ASTN2: variants seen among roughly 807,000 people sequenced by gnomAD.
The protein encoded by ASTN2 is astrotactin-2.
ASTN2 carries 54 observed loss-of-function variants against 139.8 expected under a neutral mutation model. The observed-to-expected ratio is 0.39, with a 90% CI of 0.31 to 0.48. The LOEUF is 0.48. ASTN2 is among the 20% of genes least tolerant of loss of function. The pLI, the probability that ASTN2 is intolerant of heterozygous loss-of-function variation, is 0.95. For synonymous variants in ASTN2, 756 were observed against 719.5 expected (o/e 1.05, Z -0.81); for missense variants, 1,565 against 1,725.1 (o/e 0.91, Z 1.64).
Position 116,910,319 on chromosome 9 carries a change from A to C in ASTN2, c.1890-46586T>G, listed in dbSNP as rs561205883. Among the ~76,000 whole-genome samples the C allele has an allele frequency of 1.3e-3, 201 of 152,284 alleles. 2 individuals carry two copies. The highest frequency in any genetic ancestry group is 4.7e-3 in the African/African-American group (197 of 41,546). On this transcript the variant is annotated intron_variant, in intron 10 of 22. Transcript: ENST00000313400. The stretch of plus-strand genomic sequence containing the variant: ...GCTAGGATTTCTTAACCTCTGCAAC[A>C]CTGGCATTTCGGGTCGGATAATCCT...
At chr9:116,900,834 C>T (rs1254098341) in intron 10 of ASTN2, among the ~76,000 whole-genome samples, 1 of 152,162 alleles carries the variant, frequency 6.6e-6, no homozygotes, top group African/African-American at 2.4e-5. Flanking sequence ...GGGGACAGCA[C>T]ATTTACTTTG....
chr9:117,100,136 C>G (rs1012681052), intron 4 of ASTN2, among the ~76,000 whole-genome samples: 2 of 152,218 alleles, frequency 1.3e-5, no homozygotes, highest in African/African-American at 4.8e-5. Context: ...TCAGGCTTAG[C>G]AAGATCTTTG....
chr9:116,693,207 A>G (rs1329844038), intron 16 of ASTN2, among the ~76,000 whole-genome samples: 5 of 152,098 alleles, frequency 3.3e-5, no homozygotes, highest in Admixed American at 6.5e-5. Flanking sequence ...CTTTATATGC[A>G]TTTTCCATAG....
At chr9:117,225,672 G>C (rs1832691414) in intron 2 of ASTN2, among the ~76,000 whole-genome samples, 1 of 149,816 alleles carries the variant, frequency 6.7e-6, no homozygotes, top group Non-Finnish European at 1.5e-5. Flanking sequence ...GCAGACCTAA[G>C]TTCCCATTTT....
Position 117,291,351 on chromosome 9 carries a change from A to C in ASTN2, c.605T>G (p.Met202Arg). 2 of 1,614,040 alleles carry C rather than the reference A, an allele frequency of 1.2e-6. No individual in the cohort carries two copies. The highest frequency in any genetic ancestry group is 1.7e-6 in the Non-Finnish European group (2 of 1,179,966). Residue 202 changes from methionine (M) to arginine (R), a missense_variant, in exon 2 of 23, where the codon ATG becomes AGG. Around this residue, in one of 4 missense-constraint regions of ASTN2, gnomAD observed 596 missense variants for 576.8 expected, o/e 1.03. Coordinates refer to ENST00000313400, the MANE Select transcript of ASTN2 (RefSeq NM_001365068.1). ...CATCACAGAAATGTGGAGGATGTGC[A>C]TCTGCTCCTCAACAATCTCCGAGGG... is the stretch of plus-strand genomic sequence containing the variant. Reference protein sequence around the residue: ...QEPSEIVEEQMHILHISVMGG... With the variant: ...QEPSEIVEEQRHILHISVMGG...
chr9:117,042,004 G>A (rs1159106270), intron 5 of ASTN2, among the ~76,000 whole-genome samples: 1 of 152,116 alleles, frequency 6.6e-6, no homozygotes, highest in African/African-American at 2.4e-5. Context: ...AAGGCAAGCA[G>A]CGTCTTTTGC....
At chr9:116,438,022 T>C in intron 22 of ASTN2, among the ~76,000 whole-genome samples, 1 of 152,142 alleles carries the variant, frequency 6.6e-6, no homozygotes, top group East Asian at 1.9e-4. Context: ...GGCAGCTCAT[T>C]TTGCCCCATG....
In ASTN2 at chr9:117,337,625, A is replaced by C. The variant is rs1828927755; in HGVS notation, c.443-46112T>G. 2.0e-5 allele frequency among the ~76,000 whole-genome samples: 3 copies of C among 152,160 alleles called. No homozygotes were observed. In the South Asian group the frequency reaches 6.2e-4, roughly 32 times the overall value. On this transcript the variant is annotated intron_variant, in intron 1 of 22. Coordinates refer to ENST00000313400, the MANE Select transcript of ASTN2 (RefSeq NM_001365068.1). ...TTAAGTGTATTCTGTGCATTTGTAT[A>C]ACTTCAATATGTTTGAATTTTTACT...
At chr9:116,629,179 G>A (rs952198053) in intron 17 of ASTN2, among the ~76,000 whole-genome samples, 27 of 142,782 alleles carry the variant, frequency 1.9e-4, no homozygotes, top group Admixed American at 1.7e-3. Context: ...GTGCAGTGGC[G>A]CAATCTCAGC....
intron 3 of ASTN2, among the ~76,000 whole-genome samples, chr9:117,179,749 C>T (rs1231784075): frequency 2.6e-5 from 4 of 152,172 alleles, no homozygotes; most frequent in Non-Finnish European, 4.4e-5. Context: ...GCCTTTCTGC[C>T]TGATTCTGAA....
chr9:117,060,442 G>GAGAAAGAA lies in ASTN2; in HGVS notation c.1277-20485_1277-20478dup, dbSNP rs751635444. 2.0e-4 allele frequency among the ~76,000 whole-genome samples: 11 copies of GAGAAAGAA among 54,004 alleles called. No homozygotes were observed. The East Asian group carries it at 2.5e-3, about 12-fold the overall frequency. The allele number at this position is 54,004 out of a possible 152,430, so 35.4% of individuals were successfully genotyped here. A position where few individuals can be genotyped will look rare whatever the true frequency, so the allele number is the denominator to read the frequency against. On this transcript the variant is annotated intron_variant, in intron 5 of 22. Coordinates refer to ENST00000313400, the MANE Select transcript of ASTN2 (RefSeq NM_001365068.1). ...AGGAAGGAAGGAAGGAAGAGAGAGA[G>GAGAAAGAA]AGAAAGAAAGAAAGAAAGGAAGGAA...
chr9:117,095,133 T>C (rs900559049), intron 5 of ASTN2, among the ~76,000 whole-genome samples: 34 of 152,148 alleles, frequency 2.2e-4, no homozygotes, highest in African/African-American at 8.0e-4. Context: ...GGACCTTCTT[T>C]TCAGTGGGTG....
intron 10 of ASTN2, among the ~76,000 whole-genome samples, chr9:116,867,020 A>G (rs1358703755): frequency 1.3e-5 from 2 of 152,294 alleles, no homozygotes; most frequent in East Asian, 1.9e-4. Flanking sequence ...AGCCACCTGG[A>G]AACAGATAAA....
chr9:116,555,342 C>T (rs1351238331), intron 19 of ASTN2, among the ~76,000 whole-genome samples: 1 of 152,146 alleles, frequency 6.6e-6, no homozygotes, highest in Non-Finnish European at 1.5e-5. Flanking sequence ...CCCACTTTCG[C>T]GCTGCTGAGA....
chr9:117,120,018 G>GTGTGTGTGTATATATATATATATATA (rs1306397698), intron 4 of ASTN2, among the ~76,000 whole-genome samples: 3 of 45,996 alleles, frequency 6.5e-5, no homozygotes, highest in African/African-American at 2.5e-4. Flanking sequence ...GTGTGTGTGT[G>GTGTGTGTGTATATATATATATATATA]TATATATATA....
intron 1 of ASTN2, among the ~76,000 whole-genome samples, chr9:117,319,588 C>T (rs1828259066): frequency 7.5e-6 from 1 of 133,092 alleles, no homozygotes; most frequent in Non-Finnish European, 1.6e-5. Flanking sequence ...CCATCATGCC[C>T]AGCAATTTTT....
chr9:116,954,451 C>G (rs764779483), intron 10 of ASTN2, among the ~76,000 whole-genome samples: 1 of 152,136 alleles, frequency 6.6e-6, no homozygotes, highest in African/African-American at 2.4e-5. Context: ...GTCCAAGGAC[C>G]ACACTTTGAG....
chr9:116,656,678 C>A (rs1249837259), intron 16 of ASTN2, among the ~76,000 whole-genome samples: 1 of 75,824 alleles, frequency 1.3e-5, no homozygotes. Context: ...TATTTTGTTG[C>A]CACCAAAAAA....
intron 6 of ASTN2, among the ~76,000 whole-genome samples, chr9:117,016,606 ATATCTATATCTATC>A (rs1295216893): frequency 1.1e-3 from 19 of 17,294 alleles, no homozygotes; most frequent in Admixed American, 1.5e-3. Flanking sequence ...ATATATATCT[ATATCTATATCTATC>A]TATCTATATA....
Sources: gnomAD v4.1 joint callset for allele counts (sites outside exome capture counted in the v4.1 genomes callset) on GRCh38, gnomAD v4.1.1 for gene constraint, gnomAD v4.1.1 regional missense constraint, MANE v1.5 for transcripts, NCBI Gene and HGNC (gene_info 2026-07-23, HGNC 2026-07-21) for gene names.